The following PRDM15 variants were observed in gnomAD, a reference collection of about 807,000 sequenced individuals.
PRDM15 encodes PR/SET domain 15, also known as PR domain zinc finger protein 15.
PRDM15 carries 64 observed loss-of-function variants against 128.6 expected under a neutral mutation model. The ratio of observed to expected loss-of-function variants is 0.50; its 90% CI spans 0.41 to 0.61. The LOEUF is 0.61. PRDM15 is among the 20% of genes least tolerant of loss of function. PRDM15 has a pLI of 0.00. For missense variants in PRDM15, 1,242 were observed against 1,569.1 expected, an observed-to-expected ratio of 0.79 and a Z score of 3.52; for synonymous variants, 615 against 621.8, an observed-to-expected ratio of 0.99 and a Z score of 0.16.
Position 41,859,086 on chromosome 21 carries a change from G to A in PRDM15, c.131+506C>T. The A allele has an allele frequency of 6.3e-7, 1 of 1,587,666 alleles. No homozygotes were observed. The highest frequency in any genetic ancestry group is 1.8e-5 in the Admixed American group (1 of 55,266). On this transcript the variant is annotated intron_variant, in intron 3 of 23. Coordinates refer to ENST00000398548, the MANE Select transcript of PRDM15 (RefSeq NM_001040424.3). The surrounding 1 kb of genome is among the most constrained non-coding windows in gnomAD (Gnocchi z 5.3). ...CCCCAGGTGAGGGTGGAACGGCAGG[G>A]CAGCTGCTGCCCACTGAGCCGCCTC...
Position 41,801,547 on chromosome 21 carries a change from A to G in PRDM15, c.3119T>C (p.Ile1040Thr). The change falls in exon 24 of 24, where the codon ATC (isoleucine) becomes ACC (threonine). Residue 1040 changes from isoleucine to threonine, a missense_variant. Transcript: ENST00000398548. ...PERQLQLDNS[I>T]LTVTFDTVSG... ...GACGGTATCAAAGGTCACGGTCAGG[A>G]TTGAGTTGTCCAGCTGTAACTGGCG... The G allele has an allele frequency of 6.2e-7, 1 of 1,614,170 alleles. No homozygotes were observed. Among genetic ancestry groups the G allele is most frequent in the Non-Finnish European group, 8.5e-7 (1 of 1,180,024 alleles).
At chr21:41,809,836 C>T (rs973139409) in intron 21 of PRDM15, among the ~76,000 whole-genome samples, 1 of 152,200 alleles carries the variant, frequency 6.6e-6, no homozygotes, top group Non-Finnish European at 1.5e-5. Flanking sequence ...CCACGTGGAG[C>T]CCCCATTTTG....
chr21:41,861,468 G>A (rs2063805496), intron 1 of PRDM15: 4 of 1,083,802 alleles, frequency 3.7e-6, no homozygotes, highest in Non-Finnish European at 5.4e-6. Flanking sequence ...CCCACCTCAT[G>A]CAGTTTGGGA....
chr21:41,851,183 A>G (rs1050007646), intron 5 of PRDM15, among the ~76,000 whole-genome samples: 2 of 152,076 alleles, frequency 1.3e-5, no homozygotes, highest in Non-Finnish European at 2.9e-5. Context: ...GGGAGTGTCC[A>G]CCCCAGAGGG....
chr21:41,839,563 C>T, intron 7 of PRDM15, 60 bp downstream of exon 7: 1 of 1,494,986 alleles, frequency 6.7e-7, no homozygotes. Flanking sequence ...CCCGCCAGCC[C>T]TCGGGCGCCA....
In PRDM15 at chr21:41,810,653, C is replaced by A; in HGVS notation, c.2476+100G>T. Reference sequence around the variant, plus strand: ...ACAACACTAAATGTGCTGGAACCGTCTAGATAATAGAATAGTCGTTTCCAC... The same window carrying A: ...ACAACACTAAATGTGCTGGAACCGTATAGATAATAGAATAGTCGTTTCCAC... On this transcript the variant is annotated intron_variant, in intron 20 of 23. Transcript: ENST00000398548. The surrounding 1 kb of genome is among the most constrained non-coding windows in gnomAD (Gnocchi z 6.4). 1.0e-6 allele frequency: 1 copy of A among 972,856 alleles called. No homozygotes were observed. Among genetic ancestry groups the A allele is most frequent in the South Asian group, 1.3e-5 (1 of 77,254 alleles). The allele number at this position is 972,856 out of a possible 1,614,324, so 60.3% of individuals were successfully genotyped here.
At chr21:41,806,590 CCA>C (rs2061667392) in intron 21 of PRDM15, among the ~76,000 whole-genome samples, 41 of 3,824 alleles carry the variant, frequency 0.011, 2 homozygotes, top group African/African-American at 0.029. Flanking sequence ...ATCACCACCA[CCA>C]CCATTACTAC....
chr21:41,802,944 C>A (rs748951155), intron 22 of PRDM15, 23 bp from the exon 23 acceptor site: 1 of 1,607,668 alleles, frequency 6.2e-7, no homozygotes, highest in African/African-American at 1.3e-5. Flanking sequence ...CGGTTTCAGC[C>A]GAGAACCAGG....
rs76446009 is a variant in PRDM15, at chr21:41,845,808, T to C, written c.640+1282A>G. Among the ~76,000 whole-genome samples, 615 of 152,156 alleles carry C rather than the reference T, an allele frequency of 4.0e-3. 1 individual carries two copies. Among genetic ancestry groups the C allele is most frequent in the Middle Eastern group, 0.014 (4 of 294 alleles). ...TTTTTCTTCACTCAAAACTAGTTAT[T>C]AAGAAGAAACACAAATGAGCAGCAA... is the stretch of plus-strand genomic sequence containing the variant. On this transcript the variant is annotated intron_variant, in intron 6 of 23. Transcript: ENST00000398548.
At chr21:41,820,791 T>C (rs2062231769) in intron 16 of PRDM15, among the ~76,000 whole-genome samples, 1 of 152,192 alleles carries the variant, frequency 6.6e-6, no homozygotes, top group Non-Finnish European at 1.5e-5. Context: ...AAAAGCATTT[T>C]GGGTCATTCT....
Position 41,862,930 on chromosome 21 carries a change from G to A in PRDM15, c.-9-2558C>T, listed in dbSNP as rs1014787697. Among the ~76,000 whole-genome samples, 4 of 152,094 alleles carry A rather than the reference G, an allele frequency of 2.6e-5. No individual in the cohort carries two copies. The highest frequency in any genetic ancestry group is 4.4e-5 in the Non-Finnish European group (3 of 68,034). On this transcript the variant is annotated intron_variant, in intron 1 of 23. Transcript: ENST00000398548. This position sits in a 1 kb window ranked among gnomAD's most constrained non-coding sequence, Gnocchi z 4.1. ...CACGTCTGTAATCCCAGCACTTTCA[G>A]AGATGAGGACGGGCGATCACTTCAG...
In PRDM15 at chr21:41,857,271, A is replaced by G; in HGVS notation, c.190T>C (p.Phe64Leu). Residue 64 changes from phenylalanine (F) to leucine (L), a missense_variant, in exon 4 of 24, where the codon TTC becomes CTC. By Grantham distance (22) the Phe-to-Leu change is conservative (BLOSUM62 0). Transcript: ENST00000398548. ...CGCTTGACGAGCTGAGTGATGGCGA[A>G]CACCCCCTCGGCTCCATCTTCCAGT... ...RRLEDGAEGV[F>L]AITQLVKRTQ... 6.2e-7 allele frequency: 1 copy of G among 1,613,914 alleles called. No homozygotes were observed. The highest frequency in any genetic ancestry group is 8.5e-7 in the Non-Finnish European group (1 of 1,179,976).
chr21:41,849,161 C>G (rs2063352352), intron 5 of PRDM15, among the ~76,000 whole-genome samples: 1 of 152,228 alleles, frequency 6.6e-6, no homozygotes, highest in African/African-American at 2.4e-5. Flanking sequence ...AGCAAACAGC[C>G]TGGCATTCCA....
chr21:41,861,887 C>A, intron 1 of PRDM15: 1 of 1,601,226 alleles, frequency 6.2e-7, no homozygotes, highest in Non-Finnish European at 8.6e-7. Context: ...AAATTTTCTC[C>A]CAAAACAGCA....
Position 41,801,796 on chromosome 21 carries a change from G to A in PRDM15, c.2944-74C>T, listed in dbSNP as rs1159345081. On this transcript the variant is annotated intron_variant, in intron 23 of 23. Transcript: ENST00000398548. ...GAACGCAAGGACCTCCCCAGGATGCGCTCTGTGTTACCACACCAAAGAAGC... is the reference window on the plus strand; with the variant it reads ...GAACGCAAGGACCTCCCCAGGATGCACTCTGTGTTACCACACCAAAGAAGC... The A allele has an allele frequency of 8.7e-6, 13 of 1,496,604 alleles. No individual in the cohort carries two copies. The East Asian group carries it at 1.8e-4, about 21-fold the overall frequency. The allele number at this position is 1,496,604 out of a possible 1,614,324, so 92.7% of individuals were successfully genotyped here. A position where few individuals can be genotyped will look rare whatever the true frequency, so the allele number is the denominator to read the frequency against.
Position 41,879,296 on chromosome 21 carries a change from T to C in PRDM15, c.-36A>G. ...TGCCTTTGGAATGTGCAGAGCGGGA[T>C]CGGATCCGGACTCCGGGTTGCGATC... is the stretch of plus-strand genomic sequence containing the variant. On this transcript the variant is annotated 5_prime_UTR_variant, in exon 1 of 24. Coordinates refer to ENST00000398548, the MANE Select transcript of PRDM15 (RefSeq NM_001040424.3). The surrounding 1 kb of genome is among the most constrained non-coding windows in gnomAD (Gnocchi z 5.1). 2 of 1,079,338 alleles carry C rather than the reference T, an allele frequency of 1.9e-6. No individual in the cohort carries two copies. The highest frequency in any genetic ancestry group is 2.3e-6 in the Non-Finnish European group (2 of 881,286). 66.9% of individuals were successfully genotyped at this position (1,079,338 alleles called of 1,614,324 possible).
At chr21:41,863,072 G>A (rs1290393391) in intron 1 of PRDM15, among the ~76,000 whole-genome samples, 3 of 152,014 alleles carry the variant, frequency 2.0e-5, no homozygotes, top group African/African-American at 7.2e-5. Flanking sequence ...GGGAGGCTGA[G>A]GCAGGAGAAT....
chr21:41,876,564 G>C (rs1003886274), intron 1 of PRDM15, among the ~76,000 whole-genome samples: 1 of 152,186 alleles, frequency 6.6e-6, no homozygotes, highest in African/African-American at 2.4e-5. Context: ...ACATCTGCTG[G>C]GACCCCGCAG....
At chr21:41,819,460 GC>G in intron 18 of PRDM15, 121 bp downstream of exon 18, 1 of 598,286 alleles carries the variant, frequency 1.7e-6, no homozygotes, top group Non-Finnish European at 2.6e-6. Context: ...CGTGGCCCCG[GC>G]CCCCGCCCCC....
Sources: gnomAD v4.1 joint callset for allele counts (sites outside exome capture counted in the v4.1 genomes callset) on GRCh38, gnomAD v4.1.1 for gene constraint, Gnocchi (gnomAD v3.1) non-coding constraint, MANE v1.5 for transcripts, NCBI Gene and HGNC (gene_info 2026-07-23, HGNC 2026-07-21) for gene names.